The following ORC3 variants were observed in gnomAD, a reference collection of about 807,000 sequenced individuals.
The protein encoded by ORC3 is origin recognition complex subunit 3, also known as homolog of latheo, Drosophila.
ORC3 carries 78 observed loss-of-function variants against 100.7 expected under a neutral mutation model. The observed-to-expected ratio is 0.77, with a 90% confidence interval of 0.65 to 0.94. ORC3 has a LOEUF of 0.94. Ranked by LOEUF, ORC3 falls within the 40% of genes least tolerant of loss-of-function variation. The pLI, the probability that ORC3 is intolerant of heterozygous loss-of-function variation, is 0.00. For synonymous variants in ORC3, 295 were observed against 289.3 expected, an observed-to-expected ratio of 1.02 and a Z score of -0.20; for missense variants, 789 against 823.9, an observed-to-expected ratio of 0.96 and a Z score of 0.52.
intron 8 of ORC3, among the ~76,000 whole-genome samples, chr6:87,614,873 A>T (rs1302497679): frequency 6.6e-6 from 1 of 152,122 alleles, no homozygotes; most frequent in Non-Finnish European, 1.5e-5. Context: ...AAACTTTCCC[A>T]CATTTTCCTG....
intron 8 of ORC3, among the ~76,000 whole-genome samples, chr6:87,613,783 A>G (rs1323875942): frequency 6.6e-6 from 1 of 152,212 alleles, no homozygotes; most frequent in Non-Finnish European, 1.5e-5. Context: ...CATTTCTCAC[A>G]TCCAGGTCAT....
At position 87,663,156 on chromosome 6, in the gene ORC3, A is replaced by G. The variant is rs750834442; in HGVS notation, c.1833+12A>G. ...ACTATTATCTCAAGGTAAGATGAAC[A>G]TTTAGTTTTCTGATAGTTTAGCTCA... On this transcript the variant is annotated intron_variant, in intron 17 of 19. Transcript: ENST00000392844. 6.2e-6 allele frequency: 10 copies of G among 1,602,524 alleles called. No individual in the cohort carries two copies. Among genetic ancestry groups the G allele is most frequent in the Non-Finnish European group, 7.7e-6 (9 of 1,171,234 alleles).
intron 10 of ORC3, 89 bp from the exon 11 acceptor site, chr6:87,621,861 A>T: frequency 2.3e-6 from 2 of 870,684 alleles, no homozygotes; most frequent in South Asian, 3.0e-5. Context: ...GTGGCTACCA[A>T]TCTAGGTAGT....
At chr6:87,600,411 G>A (rs1021247640) in intron 2 of ORC3, among the ~76,000 whole-genome samples, 1 of 152,176 alleles carries the variant, frequency 6.6e-6, no homozygotes, top group African/African-American at 2.4e-5. Context: ...TCAGTCTATG[G>A]ATTTGATTTT....
chr6:87,593,650 CG>C (rs1399086846), intron 1 of ORC3, among the ~76,000 whole-genome samples: 2 of 152,204 alleles, frequency 1.3e-5, no homozygotes, highest in African/African-American at 4.8e-5. Context: ...AAATAAGTTT[CG>C]GGTTGGGAGA....
chr6:87,663,910 G>A (rs1770397653), intron 17 of ORC3, among the ~76,000 whole-genome samples: 1 of 152,170 alleles, frequency 6.6e-6, no homozygotes, highest in South Asian at 2.1e-4. Context: ...GCATTCCAGT[G>A]TACTGGCTTC....
chr6:87,655,244 G>C (rs1447239783), intron 14 of ORC3, among the ~76,000 whole-genome samples: 2 of 151,934 alleles, frequency 1.3e-5, no homozygotes, highest in Admixed American at 6.6e-5. Context: ...AAGTGCAGTT[G>C]TGCAGTCATA....
At chr6:87,610,743 C>T (rs950795693) in intron 7 of ORC3, among the ~76,000 whole-genome samples, 2 of 144,572 alleles carry the variant, frequency 1.4e-5, no homozygotes, top group Non-Finnish European at 1.5e-5. Flanking sequence ...TTAGTAGAGA[C>T]GGGGTTTCAC....
intron 19 of ORC3, 23 bp from the exon 20 acceptor site, chr6:87,666,995 G>C (rs1311843264): frequency 2.7e-6 from 4 of 1,475,054 alleles, no homozygotes; most frequent in Non-Finnish European, 9.3e-7. Flanking sequence ...AGCACGGCCA[G>C]TTTCCTTAAT....
At chr6:87,668,347 A>G (rs1184108052), downstream of ORC3, among the ~76,000 whole-genome samples, 1 of 152,200 alleles carries the variant, frequency 6.6e-6, no homozygotes, top group Non-Finnish European at 1.5e-5. Context: ...TCCATTATCC[A>G]AAATGCTTGG....
chr6:87,667,703 T>C (rs1582105306), downstream of ORC3, among the ~76,000 whole-genome samples: 1 of 149,438 alleles, frequency 6.7e-6, no homozygotes, highest in African/African-American at 2.5e-5. Context: ...CCAAGGCGGG[T>C]GGATCACAAG....
intron 16 of ORC3, 73 bp downstream of exon 16, chr6:87,658,091 CTA>C: frequency 1.3e-6 from 1 of 766,592 alleles, no homozygotes; most frequent in East Asian, 2.5e-5. Flanking sequence ...TCATAGCTGT[CTA>C]TAGCCAATCC....
At chr6:87,596,047 C>T (rs185871610) in intron 2 of ORC3, among the ~76,000 whole-genome samples, 2 of 151,838 alleles carry the variant, frequency 1.3e-5, no homozygotes, top group East Asian at 3.9e-4. Flanking sequence ...CACTTTGTTG[C>T]CCAGGTTGGT....
At chr6:87,627,833 A>G (rs1298604149) in intron 11 of ORC3, among the ~76,000 whole-genome samples, 2 of 152,184 alleles carry the variant, frequency 1.3e-5, no homozygotes, top group Non-Finnish European at 2.9e-5. Context: ...TTCAAGAACT[A>G]CTAAGTTAGA....
intron 2 of ORC3, among the ~76,000 whole-genome samples, chr6:87,599,371 T>G (rs1161562529): frequency 6.6e-6 from 1 of 151,168 alleles, no homozygotes; most frequent in Non-Finnish European, 1.5e-5. Context: ...ATTTATTTAT[T>G]TATTTATTTA....
At chr6:87,670,759 G>A (rs755386096), downstream of ORC3, among the ~76,000 whole-genome samples, 14 of 152,244 alleles carry the variant, frequency 9.2e-5, no homozygotes, top group Non-Finnish European at 1.5e-4. Flanking sequence ...GCCAGGCACT[G>A]TATGCCAGTG....
intron 11 of ORC3, among the ~76,000 whole-genome samples, chr6:87,629,553 G>A (rs1176989382): frequency 1.3e-5 from 2 of 151,704 alleles, no homozygotes; most frequent in Non-Finnish European, 2.9e-5. Flanking sequence ...TAAGTAAACA[G>A]TGATATATGA....
intron 11 of ORC3, among the ~76,000 whole-genome samples, chr6:87,629,275 A>G (rs1780137197): frequency 1.3e-5 from 2 of 152,226 alleles, no homozygotes; most frequent in South Asian, 4.1e-4. Context: ...CCAGTTTTTA[A>G]TGATCAGTGA....
Position 87,609,162 on chromosome 6 carries a change from G to T in ORC3, c.646G>T (p.Val216Phe), listed in dbSNP as rs1778559325. Residue 216 changes from valine (V) to phenylalanine (F), a missense_variant, in exon 7 of 20, where the codon GTC becomes TTC. Val to Phe is a conservative substitution (Grantham distance 50). Around this residue, in one of 3 missense-constraint regions of ORC3, gnomAD observed 399 missense variants for 382.0 expected, o/e 1.04. Coordinates refer to ENST00000392844, the MANE Select transcript of ORC3 (RefSeq NM_012381.4). ...TSSQWQSPPV[V>F]VILKDMESFA... ...TAGCCAATGGCAGTCTCCTCCTGTT[G>T]TCGTTATCTTGAAGGATATGGAAAG... 2.5e-6 allele frequency: 4 copies of T among 1,610,780 alleles called. No homozygotes were observed. The highest frequency in any genetic ancestry group is 2.5e-6 in the Non-Finnish European group (3 of 1,179,030).
Sources: allele counts gnomAD v4.1 joint callset (sites outside exome capture counted in the v4.1 genomes callset), GRCh38; gene constraint gnomAD v4.1.1; regional missense constraint gnomAD v4.1.1; transcripts MANE v1.5; gene names NCBI Gene and HGNC (gene_info 2026-07-23, HGNC 2026-07-21).